The following DCDC1 variants were observed in gnomAD, a reference collection of about 807,000 sequenced individuals.
The protein encoded by DCDC1 is doublecortin domain containing 1.
A neutral mutation model predicts 178.3 loss-of-function variants in DCDC1; 200 were observed. The observed-to-expected ratio is 1.12, with a 90% CI of 1.00 to 1.26. The LOEUF (loss-of-function observed/expected upper bound fraction) is 1.26, where lower values mean the gene tolerates loss of function less well. Ranked by LOEUF, DCDC1 falls within the 50% of genes most tolerant of loss-of-function variation. The pLI is 0.00. For synonymous variants in DCDC1, 690 were observed against 604.8 expected (o/e 1.14, Z -2.07); for missense variants, 1,983 against 1,749.2 (o/e 1.13, Z -2.38).
chr11:31,242,082 A>T (rs1219656787), intron 8 of DCDC1, among the ~76,000 whole-genome samples: 1 of 151,932 alleles, frequency 6.6e-6, no homozygotes, highest in African/African-American at 2.4e-5. Flanking sequence ...ACCTTTATAA[A>T]CCATCCTATT....
intron 9 of DCDC1, among the ~76,000 whole-genome samples, chr11:31,213,415 G>C (rs998202429): frequency 6.6e-5 from 10 of 151,680 alleles, no homozygotes; most frequent in South Asian, 2.1e-4. Context: ...GCTTAACACA[G>C]GCATTAAAAG....
chr11:30,874,926 A>G (rs939608053), intron 38 of DCDC1, among the ~76,000 whole-genome samples: 3 of 152,194 alleles, frequency 2.0e-5, no homozygotes, highest in Non-Finnish European at 4.4e-5. Flanking sequence ...TAGCACATCC[A>G]ATTCAGAATC....
At chr11:30,998,662 T>G (rs1951405957) in intron 20 of DCDC1, among the ~76,000 whole-genome samples, 1 of 152,166 alleles carries the variant, frequency 6.6e-6, no homozygotes, top group African/African-American at 2.4e-5. Flanking sequence ...GGGCAGAACT[T>G]TTGGGAGAAA....
intron 6 of DCDC1, among the ~76,000 whole-genome samples, chr11:31,293,943 C>G (rs1181222874): frequency 6.6e-6 from 1 of 152,208 alleles, no homozygotes; most frequent in African/African-American, 2.4e-5. Context: ...CTTCACAGTT[C>G]TTATTTCTGT....
Position 30,906,708 on chromosome 11 carries a change from T to C in DCDC1, c.3936A>G (p.Ser1312=). The part of the protein sequence containing the change: ...NIDQPGYCYL[S]PDGKRKTMLC... ...GCATAGTTTTTCTCTTTCCATCAGG[T>C]GAGAGATAACAGTATCCCTAAAATG... The change falls in exon 30 of 39, where the codon TCA becomes TCG. Residue 1312 remains serine (S), a synonymous_variant. Coordinates refer to ENST00000684477, the MANE Select transcript of DCDC1 (RefSeq NM_001387274.1). 6.2e-7 allele frequency: 1 copy of C among 1,613,308 alleles called. No homozygotes were observed. The highest frequency in any genetic ancestry group is 1.1e-5 in the South Asian group (1 of 91,028).
At chr11:31,067,714 G>T (rs986703603) in intron 18 of DCDC1, among the ~76,000 whole-genome samples, 1 of 152,064 alleles carries the variant, frequency 6.6e-6, no homozygotes, top group African/African-American at 2.4e-5. Context: ...GCAACAAAAA[G>T]AAATGAATTA....
intron 3 of DCDC1, among the ~76,000 whole-genome samples, chr11:31,313,304 CA>C (rs1388585066): frequency 6.6e-6 from 1 of 152,156 alleles, no homozygotes; most frequent in African/African-American, 2.4e-5. Flanking sequence ...TAAAGTTTAA[CA>C]TGATTACTTA....
chr11:30,876,063 A>G (rs769396443), intron 38 of DCDC1, among the ~76,000 whole-genome samples: 3 of 152,106 alleles, frequency 2.0e-5, no homozygotes, highest in Non-Finnish European at 2.9e-5. Flanking sequence ...AAAATCCCAA[A>G]TGCTTCTACA....
intron 20 of DCDC1, among the ~76,000 whole-genome samples, chr11:31,023,760 C>T (rs1018883807): frequency 5.3e-5 from 8 of 151,376 alleles, no homozygotes; most frequent in Non-Finnish European, 1.2e-4. Flanking sequence ...GGATATTAAC[C>T]GAGAATTCAC....
intron 1 of DCDC1, among the ~76,000 whole-genome samples, chr11:31,346,767 A>T (rs955477388): frequency 2.0e-5 from 3 of 152,244 alleles, no homozygotes; most frequent in Non-Finnish European, 2.9e-5. Flanking sequence ...GAAAAGAGTA[A>T]GGGAGTAAAG....
chr11:31,262,269 G>GAAAA (rs551280722), intron 8 of DCDC1, among the ~76,000 whole-genome samples: 1 of 141,156 alleles, frequency 7.1e-6, no homozygotes. Flanking sequence ...CTTGTCTCAG[G>GAAAA]AAAAAAAAAA....
At chr11:31,358,975 C>A (rs140390994) in intron 1 of DCDC1, among the ~76,000 whole-genome samples, 2,013 of 152,280 alleles carry the variant, frequency 0.013, 26 homozygotes, top group Non-Finnish European at 0.022. Context: ...AACACTATTA[C>A]ACTGTTGGTG....
intron 17 of DCDC1, among the ~76,000 whole-genome samples, chr11:31,085,699 ATT>A (rs1957431387): frequency 2.6e-5 from 1 of 38,478 alleles, no homozygotes; most frequent in Non-Finnish European, 4.9e-5. Context: ...TGCTAAGAAC[ATT>A]GATTGATTGA....
intron 37 of DCDC1, 115 bp downstream of exon 37, chr11:30,881,043 G>T: frequency 1.7e-6 from 2 of 1,202,562 alleles, no homozygotes; most frequent in Non-Finnish European, 2.3e-6. Flanking sequence ...GAGTAGAAAT[G>T]CTTGGGAGGG....
intron 20 of DCDC1, among the ~76,000 whole-genome samples, chr11:31,019,913 T>C (rs1952756419): frequency 6.6e-6 from 1 of 152,018 alleles, no homozygotes; most frequent in South Asian, 2.1e-4. Context: ...CACCAGCAAT[T>C]CCTCAGCTCA....
At chr11:31,328,405 T>C (rs971516502) in intron 2 of DCDC1, 119 bp from the exon 3 acceptor site, 5 of 950,276 alleles carry the variant, frequency 5.3e-6, no homozygotes, top group South Asian at 5.2e-5. Flanking sequence ...CATATAGCAA[T>C]GATTAAATGT....
chr11:31,244,800 T>C (rs1233687064), intron 8 of DCDC1, among the ~76,000 whole-genome samples: 1 of 151,814 alleles, frequency 6.6e-6, no homozygotes, highest in Non-Finnish European at 1.5e-5. Context: ...GGATGATTAC[T>C]TTTCATTCCT....
chr11:31,139,696 TG>T (rs972146590), intron 9 of DCDC1, among the ~76,000 whole-genome samples: 1 of 152,112 alleles, frequency 6.6e-6, no homozygotes, highest in African/African-American at 2.4e-5. Context: ...CATTTAGAAC[TG>T]CTGCCAGGGA....
At chr11:30,912,211 T>C (rs1049561265) in intron 27 of DCDC1, among the ~76,000 whole-genome samples, 2 of 152,136 alleles carry the variant, frequency 1.3e-5, no homozygotes, top group African/African-American at 2.4e-5. Flanking sequence ...CCCCTCAACA[T>C]TGGACTTTCC....
Sources: gnomAD v4.1 joint callset for allele counts (sites outside exome capture counted in the v4.1 genomes callset) on GRCh38, gnomAD v4.1.1 for gene constraint, MANE v1.5 for transcripts, NCBI Gene and HGNC (gene_info 2026-07-23, HGNC 2026-07-21) for gene names.